The following MEMO1 variants were observed in gnomAD, a reference collection of about 807,000 sequenced individuals.
The protein encoded by MEMO1 is protein MEMO1.
In MEMO1, 6 loss-of-function variants were observed where a neutral mutation model predicts 45.2. That is an observed-to-expected ratio of 0.13 (90% confidence interval 0.07 to 0.26). The LOEUF (loss-of-function observed/expected upper bound fraction) is 0.26, where lower values mean the gene tolerates loss of function less well. Among genes scored for constraint, MEMO1 ranks in the 10% least tolerant of loss-of-function variants. MEMO1 has a pLI of 1.00. For synonymous variants in MEMO1, 78 were observed against 124.3 expected, an observed-to-expected ratio of 0.63 and a Z score of 2.48; for missense variants, 184 against 370.5, an observed-to-expected ratio of 0.50 and a Z score of 4.13.
chr2:32,001,743 T>C (rs1159403829), intron 2 of MEMO1, among the ~76,000 whole-genome samples: 1 of 152,154 alleles, frequency 6.6e-6, no homozygotes, highest in Non-Finnish European at 1.5e-5. Flanking sequence ...TCAGATGACG[T>C]AGCCTCCTCC....
At chr2:31,877,313 A>C (rs1339382340) in intron 8 of MEMO1, among the ~76,000 whole-genome samples, 2 of 152,246 alleles carry the variant, frequency 1.3e-5, no homozygotes, top group East Asian at 3.8e-4. Flanking sequence ...ACAGCTGTTC[A>C]TCCAAGGAGG....
At chr2:32,005,509 T>A (rs1230986375) in intron 2 of MEMO1, among the ~76,000 whole-genome samples, 6 of 152,112 alleles carry the variant, frequency 3.9e-5, no homozygotes, top group Non-Finnish European at 8.8e-5. Flanking sequence ...ATGTACTTAA[T>A]TCATCTAGCT....
chr2:31,906,814 C>G (rs557737788), intron 6 of MEMO1, among the ~76,000 whole-genome samples: 1 of 152,290 alleles, frequency 6.6e-6, no homozygotes, highest in Admixed American at 6.5e-5. Flanking sequence ...TATAAGTCAG[C>G]TACTCAAATG....
intron 2 of MEMO1, among the ~76,000 whole-genome samples, chr2:31,955,280 G>T (rs1667285319): frequency 6.6e-6 from 1 of 152,138 alleles, no homozygotes; most frequent in South Asian, 2.1e-4. Flanking sequence ...CTCAGTGAAT[G>T]CAGCTAACAG....
rs561187505 is a variant in MEMO1, at chr2:31,960,254, C to T, written c.62-16871G>A. 2.0e-5 allele frequency among the ~76,000 whole-genome samples: 3 copies of T among 151,658 alleles called. No individual in the cohort carries two copies. In the East Asian group the frequency reaches 5.8e-4, roughly 29 times the overall value. On this transcript the variant is annotated intron_variant, in intron 2 of 9. Transcript: ENST00000404530. ...GCACATTCACATTAAACAATACAGG[C>T]TAAGAATCCTGGAGCTAGCACTACA...
intron 9 of MEMO1, among the ~76,000 whole-genome samples, chr2:31,869,493 T>A (rs1673347875): frequency 1.3e-5 from 2 of 152,092 alleles, no homozygotes; most frequent in Admixed American, 6.5e-5. Context: ...CACTTATTTT[T>A]TATAGAGTCT....
chr2:31,927,384 A>G (rs1195998956), intron 4 of MEMO1, among the ~76,000 whole-genome samples: 2 of 152,202 alleles, frequency 1.3e-5, no homozygotes, highest in Non-Finnish European at 2.9e-5. Context: ...AACCTTTAAG[A>G]AACTACCATT....
At position 31,966,716 on chromosome 2, in the gene MEMO1, G is replaced by A. The variant is rs1481849822; in HGVS notation, c.62-23333C>T. On this transcript the variant is annotated intron_variant, in intron 2 of 9. Coordinates refer to ENST00000404530, the MANE Select transcript of MEMO1 (RefSeq NM_001301833.4). The stretch of plus-strand genomic sequence containing the variant: ...CCACTGCACTCCAGCCTGGGTAACA[G>A]AGCAAGACTCTGTCTCAAAAAAAAA... Among the ~76,000 whole-genome samples, 3 of 97,624 alleles carry A rather than the reference G, an allele frequency of 3.1e-5. No individual in the cohort carries two copies. The Admixed American group carries it at 4.1e-4, about 13-fold the overall frequency. The allele number at this position is 97,624 out of a possible 152,430, so 64.0% of individuals were successfully genotyped here. A position where few individuals can be genotyped will look rare whatever the true frequency, so the allele number is the denominator to read the frequency against.
chr2:31,893,091 G>C (rs1677203499), intron 6 of MEMO1, among the ~76,000 whole-genome samples: 1 of 152,036 alleles, frequency 6.6e-6, no homozygotes, highest in Non-Finnish European at 1.5e-5. Context: ...TTTTTAATAT[G>C]ATAATCTGGC....
In MEMO1 at chr2:31,868,338, G is replaced by A. The variant is rs1001832867; in HGVS notation, c.*23C>T. On this transcript the variant is annotated 3_prime_UTR_variant, in exon 10 of 10. Transcript: ENST00000404530. ...GGACAGAGTATGAGAATGTGCAGGT[G>A]GCATCCCTGAGGATTCAGAGCTTCA... 41 of 1,530,144 alleles carry A rather than the reference G, an allele frequency of 2.7e-5. No individual in the cohort carries two copies. The highest frequency in any genetic ancestry group is 3.5e-5 in the Non-Finnish European group (40 of 1,139,708). 94.8% of individuals were successfully genotyped at this position (1,530,144 alleles called of 1,614,324 possible).
chr2:31,871,326 CACCAAG>C (rs2147872771), intron 8 of MEMO1, among the ~76,000 whole-genome samples: 1 of 152,182 alleles, frequency 6.6e-6, no homozygotes, highest in South Asian at 2.1e-4. Flanking sequence ...AGTGTAAAAG[CACCAAG>C]AGTAATCAGA....
intron 2 of MEMO1, among the ~76,000 whole-genome samples, chr2:31,974,318 A>G (rs575858849): frequency 6.6e-6 from 1 of 152,324 alleles, no homozygotes; most frequent in African/African-American, 2.4e-5. Flanking sequence ...GGAAAATCAC[A>G]TTTTCAGTTT....
At chr2:31,925,716 A>C (rs1558508143) in intron 4 of MEMO1, among the ~76,000 whole-genome samples, 1 of 152,138 alleles carries the variant, frequency 6.6e-6, no homozygotes, top group Non-Finnish European at 1.5e-5. Flanking sequence ...AGGTGAGGGG[A>C]GCGTAAAACC....
Position 31,962,118 on chromosome 2 carries a change from G to A in MEMO1, c.62-18735C>T, listed in dbSNP as rs148678292. Among the ~76,000 whole-genome samples the A allele has an allele frequency of 9.6e-3, 1,459 of 152,218 alleles. 24 individuals carry two copies. Among genetic ancestry groups the A allele is most frequent in the South Asian group, 0.045 (218 of 4,820 alleles). On this transcript the variant is annotated intron_variant, in intron 2 of 9. Transcript: ENST00000404530. ...TTGATACAAAGAATGGCCAGGAATG[G>A]TGGTTTACACCTGTAATCCCACCAT...
At chr2:31,971,853 C>G (rs1669447193) in intron 2 of MEMO1, among the ~76,000 whole-genome samples, 2 of 152,056 alleles carry the variant, frequency 1.3e-5, no homozygotes, top group African/African-American at 4.8e-5. Flanking sequence ...ACCTATAATC[C>G]CAGCTGCTCG....
intron 2 of MEMO1, among the ~76,000 whole-genome samples, chr2:31,952,904 C>T (rs1269213130): frequency 1.3e-5 from 2 of 152,084 alleles, no homozygotes; most frequent in East Asian, 1.9e-4. Context: ...AAGCATTTCC[C>T]TGTATTATAA....
intron 2 of MEMO1, among the ~76,000 whole-genome samples, chr2:31,953,772 G>A (rs1321958899): frequency 6.6e-6 from 1 of 151,972 alleles, no homozygotes; most frequent in African/African-American, 2.4e-5. Context: ...ATAAGATTTT[G>A]ATACATATAT....
chr2:31,930,811 A>ATTT (rs376524077), intron 4 of MEMO1, among the ~76,000 whole-genome samples: 128 of 126,074 alleles, frequency 1.0e-3, no homozygotes, highest in African/African-American at 3.7e-3. Context: ...ACGCCTGGCA[A>ATTT]TTTTTTTTTT....
chr2:31,906,964 C>T (rs1679843583), intron 6 of MEMO1, among the ~76,000 whole-genome samples: 1 of 152,180 alleles, frequency 6.6e-6, no homozygotes, highest in Non-Finnish European at 1.5e-5. Context: ...AGACAAAAAA[C>T]ATCTACAAAC....
Sources: gnomAD v4.1 joint callset for allele counts (sites outside exome capture counted in the v4.1 genomes callset) on GRCh38, gnomAD v4.1.1 for gene constraint, MANE v1.5 for transcripts, NCBI Gene and HGNC (gene_info 2026-07-23, HGNC 2026-07-21) for gene names.